ADK: variants seen among roughly 807,000 people sequenced by gnomAD.
The protein encoded by ADK is N6,N6-dimethyladenosine kinase.
ADK carries 24 observed loss-of-function variants against 44.7 expected under a neutral mutation model. The observed-to-expected ratio is 0.54, with a 90% CI of 0.39 to 0.76. The LOEUF is 0.76. Ranked by LOEUF, ADK falls within the 30% of genes least tolerant of loss-of-function variation. The pLI is 0.00. For missense variants in ADK, 321 were observed against 425.1 expected, an observed-to-expected ratio of 0.76 and a Z score of 2.15; for synonymous variants, 128 against 142.6, an observed-to-expected ratio of 0.90 and a Z score of 0.73.
intron 1 of ADK, among the ~76,000 whole-genome samples, chr10:74,183,955 C>T (rs905602636): frequency 3.3e-5 from 5 of 150,964 alleles, no homozygotes; most frequent in Admixed American, 3.3e-4. Flanking sequence ...CTCGCTCTGT[C>T]ACCCAGGCTG....
Position 74,475,797 on chromosome 10 carries a change from AAGAAG to A in ADK, c.556-49450_556-49446del, listed in dbSNP as rs201395798. 1.1e-3 allele frequency among the ~76,000 whole-genome samples: 162 copies of A among 150,964 alleles called. 2 individuals are homozygous for A. The East Asian group carries it at 0.031, about 29-fold the overall frequency. On this transcript the variant is annotated intron_variant, in intron 6 of 10. Coordinates refer to ENST00000539909, the MANE Select transcript of ADK (RefSeq NM_006721.4). ...GAGAGGGAGAAAGAGAAAGAAAAGA[AAGAAG>A]AGAAGAGAGAAAAAGGAGGGAGAGG...
rs138960799 is a variant in ADK, at chr10:74,187,495, C to T, written c.66-13269C>T. Among the ~76,000 whole-genome samples the T allele has an allele frequency of 5.4e-5, 8 of 148,458 alleles. No homozygotes were observed. The East Asian group carries it at 1.2e-3, about 22-fold the overall frequency. On this transcript the variant is annotated intron_variant, in intron 1 of 10. Transcript: ENST00000539909. ...TTTGCCAGGTTTCTCAGATTTTACA[C>T]GCACATACACACACACACACACTCT...
At chr10:74,463,585 A>C (rs1846245987) in intron 6 of ADK, among the ~76,000 whole-genome samples, 1 of 152,200 alleles carries the variant, frequency 6.6e-6, no homozygotes, top group Non-Finnish European at 1.5e-5. Flanking sequence ...TCACTTGCAC[A>C]TCTGGCACTC....
chr10:74,564,507 C>T (rs1850576942), intron 7 of ADK, among the ~76,000 whole-genome samples: 1 of 152,136 alleles, frequency 6.6e-6, no homozygotes, highest in Non-Finnish European at 1.5e-5. Flanking sequence ...ACACAGAAAT[C>T]CTTTTTCTCA....
chr10:74,404,146 A>G (rs900388616), intron 6 of ADK, among the ~76,000 whole-genome samples: 3 of 148,380 alleles, frequency 2.0e-5, no homozygotes, highest in African/African-American at 7.4e-5. Flanking sequence ...TTCTGGGATT[A>G]CAGGCATGAG....
intron 6 of ADK, among the ~76,000 whole-genome samples, chr10:74,424,334 T>A (rs866081667): frequency 6.0e-4 from 91 of 151,976 alleles, no homozygotes; most frequent in African/African-American, 2.0e-3. Flanking sequence ...CAGGAGTTCA[T>A]GACCAGCCTG....
chr10:74,253,165 G>T (rs1224602244), intron 3 of ADK, among the ~76,000 whole-genome samples: 1 of 152,252 alleles, frequency 6.6e-6, no homozygotes, highest in Admixed American at 6.5e-5. Context: ...GAAGAAAATA[G>T]ATTTATTGAA....
At chr10:74,310,081 G>A (rs898903519) in intron 3 of ADK, among the ~76,000 whole-genome samples, 1 of 151,944 alleles carries the variant, frequency 6.6e-6, no homozygotes, top group Non-Finnish European at 1.5e-5. Flanking sequence ...GCTTGTGGTG[G>A]AAAAATGGAT....
intron 6 of ADK, among the ~76,000 whole-genome samples, chr10:74,403,140 G>A (rs1365406886): frequency 6.6e-6 from 1 of 152,142 alleles, no homozygotes; most frequent in South Asian, 2.1e-4. Context: ...TGTATGAGGT[G>A]TCTGTTGGCC....
chr10:74,359,372 A>G (rs1458549135), intron 4 of ADK, among the ~76,000 whole-genome samples: 1 of 152,064 alleles, frequency 6.6e-6, no homozygotes, highest in Non-Finnish European at 1.5e-5. Flanking sequence ...TGGTATTTTC[A>G]TAGAGATTGC....
At chr10:74,618,515 C>G (rs1852860868) in intron 9 of ADK, among the ~76,000 whole-genome samples, 1 of 152,130 alleles carries the variant, frequency 6.6e-6, no homozygotes, top group Non-Finnish European at 1.5e-5. Flanking sequence ...TCACTAACTC[C>G]TGACTTCAAG....
intron 6 of ADK, among the ~76,000 whole-genome samples, chr10:74,416,138 G>A (rs1170406000): frequency 6.6e-6 from 1 of 151,212 alleles, no homozygotes; most frequent in Non-Finnish European, 1.5e-5. Context: ...TTCTGATTTA[G>A]GTGGATGACA....
chr10:74,422,610 T>C (rs1221955870), intron 6 of ADK, among the ~76,000 whole-genome samples: 1 of 152,234 alleles, frequency 6.6e-6, no homozygotes, highest in Non-Finnish European at 1.5e-5. Flanking sequence ...AATTTTTCTG[T>C]ATATCTAAGT....
intron 8 of ADK, among the ~76,000 whole-genome samples, chr10:74,596,484 G>T (rs1188420971): frequency 6.6e-6 from 1 of 152,042 alleles, no homozygotes; most frequent in African/African-American, 2.4e-5. Flanking sequence ...TGCCTGCTGG[G>T]CTCAAGCAAT....
At chr10:74,533,158 A>G (rs906204870) in intron 7 of ADK, among the ~76,000 whole-genome samples, 24 of 152,134 alleles carry the variant, frequency 1.6e-4, no homozygotes, top group African/African-American at 5.8e-4. Flanking sequence ...ATTTAAGAAG[A>G]CCCAAATGGG....
intron 4 of ADK, among the ~76,000 whole-genome samples, chr10:74,382,475 C>T (rs749243347): frequency 6.6e-6 from 1 of 152,108 alleles, no homozygotes; most frequent in Non-Finnish European, 1.5e-5. Context: ...ATTTTATATA[C>T]AGCCTATTCT....
chr10:74,503,967 G>A (rs941961833), intron 6 of ADK, among the ~76,000 whole-genome samples: 1 of 151,926 alleles, frequency 6.6e-6, no homozygotes, highest in Admixed American at 6.6e-5. Context: ...ATTTACTTAC[G>A]CTACCTCATA....
chr10:74,642,058 T>C (rs1028052588), intron 9 of ADK, among the ~76,000 whole-genome samples: 2 of 152,184 alleles, frequency 1.3e-5, no homozygotes, highest in African/African-American at 4.8e-5. Flanking sequence ...CTACATAATG[T>C]ATGATATCAC....
intron 9 of ADK, among the ~76,000 whole-genome samples, chr10:74,667,530 ATT>A (rs71307708): frequency 7.1e-6 from 1 of 140,388 alleles, no homozygotes. Context: ...ATAAGTCATG[ATT>A]TTTTTTTTTT....
Sources: allele counts gnomAD v4.1 joint callset (sites outside exome capture counted in the v4.1 genomes callset), GRCh38; gene constraint gnomAD v4.1.1; transcripts MANE v1.5; gene names NCBI Gene and HGNC (gene_info 2026-07-23, HGNC 2026-07-21).